The following NCAPD3 variants were observed in gnomAD, a reference collection of about 807,000 sequenced individuals.
The protein encoded by NCAPD3 is condensin-2 complex subunit D3.
In NCAPD3, 105 loss-of-function variants were observed where a neutral mutation model predicts 182.9. That is an observed-to-expected ratio of 0.57 (90% CI 0.49 to 0.68). The LOEUF (loss-of-function observed/expected upper bound fraction) is 0.68. Ranked by LOEUF, NCAPD3 falls within the 30% of genes least tolerant of loss-of-function variation. The pLI, the probability that NCAPD3 is intolerant of heterozygous loss-of-function variation, is 0.00. For missense variants in NCAPD3, 1,944 were observed against 1,837.0 expected (o/e 1.06, Z -1.07); for synonymous variants, 815 against 679.9 (o/e 1.20, Z -3.09).
chr11:134,199,713 G>A (rs1944708224), intron 13 of NCAPD3, among the ~76,000 whole-genome samples: 1 of 152,114 alleles, frequency 6.6e-6, no homozygotes, highest in South Asian at 2.1e-4. Flanking sequence ...TTTGCATTGA[G>A]ATCTCTCCCG....
intron 20 of NCAPD3, among the ~76,000 whole-genome samples, 165 bp downstream of exon 20, chr11:134,180,912 T>C (rs1330279433): frequency 6.6e-6 from 1 of 152,190 alleles, no homozygotes; most frequent in African/African-American, 2.4e-5. Flanking sequence ...AAAAAATGAA[T>C]AGGTTATCAA....
At chr11:134,155,564 C>T (rs1342767648) in intron 32 of NCAPD3, among the ~76,000 whole-genome samples, 3 of 152,130 alleles carry the variant, frequency 2.0e-5, no homozygotes, top group Non-Finnish European at 2.9e-5. Context: ...CAGATGAGGG[C>T]GGCATGAACC....
chr11:134,192,100 C>G (rs1487099184), intron 16 of NCAPD3, among the ~76,000 whole-genome samples: 5 of 152,214 alleles, frequency 3.3e-5, no homozygotes, highest in African/African-American at 1.2e-4. Flanking sequence ...ACAACGGCTG[C>G]TCTTACAAAT....
At chr11:134,167,778 G>C (rs1234671024) in intron 27 of NCAPD3, among the ~76,000 whole-genome samples, 1 of 141,554 alleles carries the variant, frequency 7.1e-6, no homozygotes, top group Non-Finnish European at 1.5e-5. Context: ...TGTGAGATGA[G>C]CTTGGGGGAG....
chr11:134,168,096 G>C lies in NCAPD3; in HGVS notation c.3473C>G (p.Ala1158Gly). ...GTCTTTGTCTGGTTTAGATCTCATT[G>C]CCAAAAGCTTGATCTCCTTTGAGCT... is the stretch of plus-strand genomic sequence containing the variant. The part of the protein sequence containing the change: ...VLSSKEIKLL[A>G]MRSKPDKDLL... Residue 1158 changes from alanine (A) to glycine (G), a missense_variant, in exon 27 of 35, where the codon GCA becomes GGA. Physicochemically the swap from Ala to Gly is moderately conservative, Grantham distance 60. Coordinates refer to ENST00000534548, the MANE Select transcript of NCAPD3 (RefSeq NM_015261.3). The C allele has an allele frequency of 6.2e-7, 1 of 1,614,108 alleles. No individual in the cohort carries two copies. Among genetic ancestry groups the C allele is most frequent in the Non-Finnish European group, 8.5e-7 (1 of 1,179,966 alleles).
rs147519757 is a variant in NCAPD3 at position 134,169,038 on chromosome 11, G to A, written c.3118C>T (p.Leu1040=). 2 of 1,613,652 alleles carry A rather than the reference G, an allele frequency of 1.2e-6. No individual in the cohort carries two copies. The highest frequency in any genetic ancestry group is 2.7e-5 in the African/African-American group (2 of 74,912). ...PDIASFGEFC[L]AHLLLKRNPV... is the part of the protein sequence containing the mutation. ...TTCCTCTTCAGTAACAGGTGAGCCAGGCAAAACTCCCCGAAGCTGCAAAGG... is the reference window on the plus strand; with the variant it reads ...TTCCTCTTCAGTAACAGGTGAGCCAAGCAAAACTCCCCGAAGCTGCAAAGG... Residue 1040 remains leucine (L), a synonymous_variant, in exon 25 of 35, where the codon CTG becomes TTG. Coordinates refer to ENST00000534548, the MANE Select transcript of NCAPD3 (RefSeq NM_015261.3).
intron 2 of NCAPD3, among the ~76,000 whole-genome samples, chr11:134,219,075 T>C (rs943545058): frequency 3.3e-5 from 5 of 152,206 alleles, no homozygotes; most frequent in Non-Finnish European, 7.3e-5. Flanking sequence ...ACCCGTGACC[T>C]ACCCTTACTC....
intron 33 of NCAPD3, 31 bp downstream of exon 33, chr11:134,153,258 C>G: frequency 1.9e-6 from 3 of 1,613,920 alleles, no homozygotes; most frequent in African/African-American, 2.7e-5. Context: ...GGCAGTGCAT[C>G]TATCAGCCCA....
At position 134,204,502 on chromosome 11, in the gene NCAPD3, G is replaced by A. The variant is rs900447599; in HGVS notation, c.1090-331C>T. On this transcript the variant is annotated intron_variant, in intron 9 of 34. Transcript: ENST00000534548. This position sits in a 1 kb window ranked among gnomAD's most constrained non-coding sequence, Gnocchi z 4.3. ...GATCATCATGGAAATTTGAACACTGGATGTTTGATAATATTAAGGAATTAC... is the reference window on the plus strand; with the variant it reads ...GATCATCATGGAAATTTGAACACTGAATGTTTGATAATATTAAGGAATTAC... 4.6e-5 allele frequency among the ~76,000 whole-genome samples: 7 copies of A among 152,268 alleles called. No homozygotes were observed. Among genetic ancestry groups the A allele is most frequent in the Non-Finnish European group, 8.8e-5 (6 of 68,022 alleles).
chr11:134,167,581 G>A (rs1232331600), intron 27 of NCAPD3, among the ~76,000 whole-genome samples: 1 of 131,216 alleles, frequency 7.6e-6, no homozygotes, highest in East Asian at 2.5e-4. Context: ...AGTGAGATGA[G>A]CTTGGGGGAG....
At position 134,158,026 on chromosome 11, in the gene NCAPD3, T is replaced by C. The variant is rs770275790; in HGVS notation, c.4076A>G (p.Lys1359Arg). The C allele has an allele frequency of 4.3e-6, 7 of 1,614,090 alleles. No homozygotes were observed. The South Asian group carries it at 4.4e-5, about 10-fold the overall frequency. The part of the protein sequence containing the change: ...LSTIAILNSV[K>R]KAVESKSRHR... ...CCTGCTCTTTGACTCCACGGCTTTC[T>C]TGACAGAATTCAGGATTGCAATGGT... The change falls in exon 31 of 35, where the codon AAG becomes AGG. Residue 1359 changes from lysine (K) to arginine (R), a missense_variant. Around this residue, in one of 3 missense-constraint regions of NCAPD3, gnomAD observed 1,803 missense variants for 1,674.6 expected, o/e 1.08. Coordinates refer to ENST00000534548, the MANE Select transcript of NCAPD3 (RefSeq NM_015261.3).
intron 13 of NCAPD3, among the ~76,000 whole-genome samples, chr11:134,197,650 A>T (rs1021410195): frequency 1.3e-5 from 2 of 152,234 alleles, no homozygotes; most frequent in African/African-American, 4.8e-5. Flanking sequence ...TGACACCAAA[A>T]TTCTCAACAA....
intron 27 of NCAPD3, among the ~76,000 whole-genome samples, chr11:134,163,304 G>A (rs945246248): frequency 6.6e-6 from 1 of 152,100 alleles, no homozygotes. Context: ...CAGCACTACA[G>A]ACCACTCACC....
rs1035931934 is a variant in NCAPD3 at position 134,158,014 on chromosome 11, T to A, written c.4088A>T (p.Glu1363Val). Reference protein sequence around the residue: ...AILNSVKKAVESKSRHRSRSL... With the variant: ...AILNSVKKAVVSKSRHRSRSL... ...CCGACTCCGATGCCTGCTCTTTGACTCCACGGCTTTCTTGACAGAATTCAG... is the reference window on the plus strand; with the variant it reads ...CCGACTCCGATGCCTGCTCTTTGACACCACGGCTTTCTTGACAGAATTCAG... The change falls in exon 31 of 35, where the codon GAG (glutamate) becomes GTG (valine). Residue 1363 changes from glutamate to valine, a missense_variant. This residue lies in a region of NCAPD3 where 1,803 missense variants were observed against 1,674.6 expected (regional missense o/e 1.08). Coordinates refer to ENST00000534548, the MANE Select transcript of NCAPD3 (RefSeq NM_015261.3). The A allele has an allele frequency of 2.4e-5, 39 of 1,614,080 alleles. No homozygotes were observed. The highest frequency in any genetic ancestry group is 3.3e-5 in the Non-Finnish European group (39 of 1,180,040).
intron 27 of NCAPD3, among the ~76,000 whole-genome samples, chr11:134,162,989 C>G (rs1943630818): frequency 6.6e-6 from 1 of 152,106 alleles, no homozygotes; most frequent in Non-Finnish European, 1.5e-5. Context: ...GGTGAGGGCG[C>G]TGCAGACTTT....
At chr11:134,183,804 G>A (rs1007838131) in intron 19 of NCAPD3, among the ~76,000 whole-genome samples, 25 of 152,262 alleles carry the variant, frequency 1.6e-4, no homozygotes, top group African/African-American at 5.3e-4. Context: ...TCTTAAGGAA[G>A]GGCTTTCTCT....
At chr11:134,163,736 G>C (rs991760233) in intron 27 of NCAPD3, among the ~76,000 whole-genome samples, 1 of 148,052 alleles carries the variant, frequency 6.8e-6, no homozygotes, top group Non-Finnish European at 1.5e-5. Context: ...GCCAGGCACA[G>C]TGGCAGGGGC....
intron 31 of NCAPD3, among the ~76,000 whole-genome samples, 183 bp from the exon 32 acceptor site, chr11:134,157,278 A>G (rs1324840478): frequency 6.6e-6 from 1 of 152,162 alleles, no homozygotes; most frequent in African/African-American, 2.4e-5. Context: ...AAAAATGTCC[A>G]TTCTCATTAG....
chr11:134,153,558 A>T, intron 32 of NCAPD3, 195 bp from the exon 33 acceptor site: 1 of 621,094 alleles, frequency 1.6e-6, no homozygotes, highest in Non-Finnish European at 2.9e-6. Flanking sequence ...CGTCTCTCTG[A>T]CCCCCTTCTC....
Sources: gnomAD v4.1 joint callset for allele counts (sites outside exome capture counted in the v4.1 genomes callset) on GRCh38, gnomAD v4.1.1 for gene constraint, gnomAD v4.1.1 regional missense constraint, Gnocchi (gnomAD v3.1) non-coding constraint, MANE v1.5 for transcripts, NCBI Gene and HGNC (gene_info 2026-07-23, HGNC 2026-07-21) for gene names.